Variants in HNRNPR observed in about 807,000 individuals in gnomAD.
HNRNPR encodes heterogeneous nuclear ribonucleoprotein R.
Under a neutral mutation model 70.3 loss-of-function variants are expected in HNRNPR, and 4 were observed. The observed-to-expected ratio is 0.06, with a 90% CI of 0.03 to 0.13. The LOEUF is 0.13. HNRNPR is among the 10% of genes least tolerant of loss of function. The pLI is 1.00. For synonymous variants in HNRNPR, 241 were observed against 267.6 expected (o/e 0.90, Z 0.97); for missense variants, 423 against 788.5 (o/e 0.54, Z 5.55).
At chr1:23,312,944 T>C (rs751193790) in intron 9 of HNRNPR, among the ~76,000 whole-genome samples, 1 of 152,128 alleles carries the variant, frequency 6.6e-6, no homozygotes, top group Non-Finnish European at 1.5e-5. Flanking sequence ...CCATTGTCGA[T>C]AGAAAGCAGG....
rs768404196 is a variant in HNRNPR at position 23,323,625 on chromosome 1, G to A, written c.606C>T (p.Ser202=). 34 of 1,614,030 alleles carry A rather than the reference G, an allele frequency of 2.1e-5. No individual in the cohort carries two copies. Among genetic ancestry groups the A allele is most frequent in the Middle Eastern group, 3.3e-4 (2 of 6,060 alleles). ...TAAATGCATACCCTCTATTCTGACC[G>A]GACAGTGGATCCATCATAAGACGTA... The part of the protein sequence containing the change: ...WDLRLMMDPL[S]GQNRGYAFIT... Residue 202 remains serine (S), a synonymous_variant, in exon 6 of 11, where the codon TCC becomes TCT. Coordinates refer to ENST00000302271, the MANE Select transcript of HNRNPR (RefSeq NM_005826.5).
chr1:23,319,848 G>C (rs1488201637), intron 7 of HNRNPR, among the ~76,000 whole-genome samples: 2 of 152,092 alleles, frequency 1.3e-5, no homozygotes, highest in African/African-American at 4.8e-5. Flanking sequence ...ACGTGTTGCT[G>C]TCTTGGAATG....
At chr1:23,338,062 C>G in intron 3 of HNRNPR, 1 of 468,488 alleles carries the variant, frequency 2.1e-6, no homozygotes. Context: ...AGGGAGCTTA[C>G]CTTCTACCCT....
intron 2 of HNRNPR, among the ~76,000 whole-genome samples, chr1:23,339,408 T>A (rs1347733460): frequency 6.6e-6 from 1 of 152,236 alleles, no homozygotes; most frequent in African/African-American, 2.4e-5. Flanking sequence ...ACAGAAAATA[T>A]ATACACTGCA....
intron 5 of HNRNPR, among the ~76,000 whole-genome samples, chr1:23,324,792 T>G (rs1645899504): frequency 1.3e-5 from 2 of 152,272 alleles, no homozygotes; most frequent in South Asian, 4.1e-4. Context: ...AAAACCCTCA[T>G]TTGATACCAG....
Position 23,310,926 on chromosome 1 carries a change from T to C in HNRNPR, c.1430A>G (p.Tyr477Cys). Residue 477 changes from tyrosine (Y) to cysteine (C), a missense_variant, in exon 11 of 11, where the codon TAT becomes TGT. Physicochemically the swap from Tyr to Cys is radical, Grantham distance 194. Around this residue, in one of 7 missense-constraint regions of HNRNPR, gnomAD observed 169 missense variants for 195.6 expected, o/e 0.86. Coordinates refer to ENST00000302271, the MANE Select transcript of HNRNPR (RefSeq NM_005826.5). This position sits in a 1 kb window ranked among gnomAD's most constrained non-coding sequence, Gnocchi z 6.0. ...YEDYYDDYYG[Y>C]DYHDYRGGYE... ...GCCTCCACGATAGTCGTGATAATCATAACCATAGTAATCATCATAGTAATC... is the reference window on the plus strand; with the variant it reads ...GCCTCCACGATAGTCGTGATAATCACAACCATAGTAATCATCATAGTAATC... 1 of 1,614,116 alleles carries C rather than the reference T, an allele frequency of 6.2e-7. No homozygotes were observed. The highest frequency in any genetic ancestry group is 8.5e-7 in the Non-Finnish European group (1 of 1,180,022).
chr1:23,313,999 CA>C (rs752619971), intron 8 of HNRNPR, among the ~76,000 whole-genome samples: 9 of 152,034 alleles, frequency 5.9e-5, no homozygotes, highest in African/African-American at 2.2e-4. Flanking sequence ...AAGTCCCTTT[CA>C]AAACAAGTTT....
At position 23,306,154 on chromosome 1, in the gene HNRNPR, G is replaced by A. The variant is rs543032718; in HGVS notation, c.*4300C>T. The A allele has an allele frequency of 6.6e-6, 1 of 151,922 alleles. No individual in the cohort carries two copies. The highest frequency in any genetic ancestry group is 2.4e-5 in the African/African-American group (1 of 41,464). The allele number at this position is 151,922 out of a possible 1,614,324, so 9.4% of individuals were successfully genotyped here. A position where few individuals can be genotyped will look rare whatever the true frequency, so the allele number is the denominator to read the frequency against. On this transcript the variant is annotated 3_prime_UTR_variant, in exon 11 of 11. Coordinates refer to ENST00000302271, the MANE Select transcript of HNRNPR (RefSeq NM_005826.5). ...CCAAGAGACTTTTTAAGATTATAAG[G>A]TGTCTATTTTGCTCACTTAAAATAT...
intron 4 of HNRNPR, among the ~76,000 whole-genome samples, chr1:23,333,916 TTTC>T (rs923896896): frequency 6.6e-6 from 1 of 152,114 alleles, no homozygotes. Context: ...CCTACTGTCT[TTTC>T]TTCTTTTTTT....
At position 23,313,554 on chromosome 1, in the gene HNRNPR, T is replaced by C. The variant is rs746029748; in HGVS notation, c.1166A>G (p.Lys389Arg). Residue 389 changes from lysine (K) to arginine (R), a missense_variant and splice_region_variant, in exon 9 of 11, where the codon AAG (lysine) becomes AGG (arginine). Physicochemically the swap from Lys to Arg is conservative, Grantham distance 26. Coordinates refer to ENST00000302271, the MANE Select transcript of HNRNPR (RefSeq NM_005826.5). ...GAACCAAAATTTCAAAATTCCTACC[T>C]TAACAGCTGCTCCTCTGTCTTCAAA... ...VHFEDRGAAVKAMDEMNGKEI... is the reference protein window; with the variant it reads ...VHFEDRGAAVRAMDEMNGKEI... 6.5e-7 allele frequency: 1 copy of C among 1,548,044 alleles called. No individual in the cohort carries two copies. Among genetic ancestry groups the C allele is most frequent in the East Asian group, 2.4e-5 (1 of 41,880 alleles).
At chr1:23,323,942 T>A (rs577016462) in intron 5 of HNRNPR, among the ~76,000 whole-genome samples, 45 of 152,116 alleles carry the variant, frequency 3.0e-4, no homozygotes, top group Non-Finnish European at 4.9e-4. Flanking sequence ...TCTTGAAAAA[T>A]GGAAACTAAT....
At position 23,313,714 on chromosome 1, in the gene HNRNPR, C is replaced by A; in HGVS notation, c.1018-12G>T. On this transcript the variant is annotated splice_polypyrimidine_tract_variant and intron_variant, in intron 8 of 10. Transcript: ENST00000302271. ...AACAAAACTTTTACCTAGTAAGCAA[C>A]AAATAAACAAAACCGTCATTGGCTA... The A allele has an allele frequency of 6.3e-7, 1 of 1,597,912 alleles. No individual in the cohort carries two copies. The highest frequency in any genetic ancestry group is 8.5e-7 in the Non-Finnish European group (1 of 1,176,150).
At chr1:23,311,124 ATTTTG>A (rs1645319901) in intron 10 of HNRNPR, 58 bp from the exon 11 acceptor site, 7 of 1,607,684 alleles carry the variant, frequency 4.4e-6, no homozygotes, top group South Asian at 2.2e-5. Flanking sequence ...CAAGACTCTG[ATTTTG>A]TTTTATTAAT....
At chr1:23,319,985 T>C (rs1569958579) in intron 7 of HNRNPR, among the ~76,000 whole-genome samples, 1 of 152,346 alleles carries the variant, frequency 6.6e-6, no homozygotes, top group Non-Finnish European at 1.5e-5. Flanking sequence ...TAGCTAAATA[T>C]CCTGTATTTC....
Position 23,307,195 on chromosome 1 carries a change from T to G in HNRNPR, c.*3259A>C, listed in dbSNP as rs1293159170. 1 of 152,150 alleles carries G rather than the reference T, an allele frequency of 6.6e-6. No individual in the cohort carries two copies. Among genetic ancestry groups the G allele is most frequent in the Non-Finnish European group, 1.5e-5 (1 of 67,996 alleles). The allele number at this position is 152,150 out of a possible 1,614,324, so 9.4% of individuals were successfully genotyped here. On this transcript the variant is annotated 3_prime_UTR_variant, in exon 11 of 11. Transcript: ENST00000302271. Reference sequence around the variant, plus strand: ...CAATAGCCTTATAGCAAGTATTTACTGGAAGGGTTTGGTTTTACAAATGCA... The same window carrying G: ...CAATAGCCTTATAGCAAGTATTTACGGGAAGGGTTTGGTTTTACAAATGCA...
chr1:23,311,455 G>A (rs1645334629), intron 9 of HNRNPR, 133 bp from the exon 10 acceptor site: 1 of 626,080 alleles, frequency 1.6e-6, no homozygotes, highest in South Asian at 2.2e-5. Flanking sequence ...AATGGCAAAA[G>A]GTGAATCTAG....
At chr1:23,323,232 C>G (rs61777129) in intron 6 of HNRNPR, among the ~76,000 whole-genome samples, 1 of 152,152 alleles carries the variant, frequency 6.6e-6, no homozygotes, top group Non-Finnish European at 1.5e-5. Context: ...AGTTTAACAT[C>G]AAGAATTGAC....
Position 23,306,223 on chromosome 1 carries a change from T to C in HNRNPR, c.*4231A>G, listed in dbSNP as rs1331791072. ...CTTCATACTTGCAGGCCTTTCCTGC[T>C]GATCTGCTACCAATTTAAAAGTAAG... On this transcript the variant is annotated 3_prime_UTR_variant, in exon 11 of 11. Transcript: ENST00000302271. The C allele has an allele frequency of 6.6e-6, 1 of 152,212 alleles. No individual in the cohort carries two copies. Among genetic ancestry groups the C allele is most frequent in the Non-Finnish European group, 1.5e-5 (1 of 68,040 alleles). 9.4% of individuals were successfully genotyped at this position (152,212 alleles called of 1,614,324 possible).
chr1:23,340,531 T>C (rs893740848), intron 2 of HNRNPR, among the ~76,000 whole-genome samples: 3 of 152,202 alleles, frequency 2.0e-5, no homozygotes, highest in African/African-American at 7.2e-5. Context: ...AAAAGCAAAA[T>C]GATGACTGAT....
Sources: gnomAD v4.1 joint callset for allele counts (sites outside exome capture counted in the v4.1 genomes callset) on GRCh38, gnomAD v4.1.1 for gene constraint, gnomAD v4.1.1 regional missense constraint, Gnocchi (gnomAD v3.1) non-coding constraint, MANE v1.5 for transcripts, NCBI Gene and HGNC (gene_info 2026-07-23, HGNC 2026-07-21) for gene names.